THSD7B: variants seen among roughly 807,000 people sequenced by gnomAD.
THSD7B encodes the protein thrombospondin type-1 domain-containing protein 7B.
Under a neutral mutation model 213.6 loss-of-function variants are expected in THSD7B, and 138 were observed. The observed-to-expected ratio is 0.65, with a 90% CI of 0.56 to 0.74. The LOEUF (loss-of-function observed/expected upper bound fraction) is 0.74. Ranked by LOEUF, THSD7B falls within the 30% of genes least tolerant of loss-of-function variation. THSD7B has a pLI of 0.00. For synonymous variants in THSD7B, 742 were observed against 687.0 expected (o/e 1.08, Z -1.25); for missense variants, 1,931 against 1,991.5 (o/e 0.97, Z 0.58).
At chr2:136,852,433 A>G (rs1683114022) in intron 1 of THSD7B, among the ~76,000 whole-genome samples, 1 of 152,192 alleles carries the variant, frequency 6.6e-6, no homozygotes, top group African/African-American at 2.4e-5. Context: ...ATGGAAGTAG[A>G]TTATTCCACA....
intron 10 of THSD7B, among the ~76,000 whole-genome samples, chr2:137,255,595 C>T (rs1682288369): frequency 6.6e-6 from 1 of 152,152 alleles, no homozygotes; most frequent in African/African-American, 2.4e-5. Context: ...CTTTACTTCC[C>T]TTTAGCTATG....
rs115727920 is a variant in THSD7B at position 137,293,746 on chromosome 2, A to G, written c.2500+17720A>G. ...ATCTTACAGGTTTTACCCCAGATCT[A>G]TTCTCCTGTCTCCCTTCTTACTGCT... On this transcript the variant is annotated intron_variant, in intron 12 of 27. Coordinates refer to ENST00000409968, the MANE Select transcript of THSD7B (RefSeq NM_001316349.2). Among the ~76,000 whole-genome samples the G allele has an allele frequency of 1.6e-3, 242 of 152,206 alleles. 1 individual carries two copies. The highest frequency in any genetic ancestry group is 5.5e-3 in the African/African-American group (229 of 41,558).
intron 7 of THSD7B, among the ~76,000 whole-genome samples, chr2:137,197,091 A>G (rs535243375): frequency 5.9e-5 from 9 of 152,366 alleles, no homozygotes; most frequent in African/African-American, 2.2e-4. Context: ...ACATTGTACA[A>G]AATAACTTCA....
chr2:136,966,112 C>A (rs190960628), intron 2 of THSD7B, among the ~76,000 whole-genome samples: 50 of 152,340 alleles, frequency 3.3e-4, no homozygotes, highest in African/African-American at 1.2e-3. Context: ...CTCCTGGCAA[C>A]CTTCTTTCTC....
chr2:137,197,491 A>C (rs2105020686), intron 7 of THSD7B, among the ~76,000 whole-genome samples: 1 of 152,310 alleles, frequency 6.6e-6, no homozygotes, highest in African/African-American at 2.4e-5. Flanking sequence ...TCACCACCAA[A>C]AGATATGTCG....
chr2:137,092,353 G>A (rs1302171485), intron 3 of THSD7B, among the ~76,000 whole-genome samples: 1 of 152,036 alleles, frequency 6.6e-6, no homozygotes, highest in Non-Finnish European at 1.5e-5. Context: ...GGTTGAGGCT[G>A]CAATGAGCCC....
At chr2:137,570,303 A>AATTATT (rs766131565) in intron 16 of THSD7B, among the ~76,000 whole-genome samples, 4 of 150,090 alleles carry the variant, frequency 2.7e-5, no homozygotes, top group African/African-American at 4.9e-5. Context: ...TATTATTATT[A>AATTATT]ATTATTATTA....
At chr2:137,339,644 A>T (rs1684713984) in intron 12 of THSD7B, among the ~76,000 whole-genome samples, 1 of 151,684 alleles carries the variant, frequency 6.6e-6, no homozygotes, top group Non-Finnish European at 1.5e-5. Flanking sequence ...GTAAGTGGTC[A>T]TCATCATGTG....
At chr2:137,567,709 G>A (rs768576633) in intron 16 of THSD7B, among the ~76,000 whole-genome samples, 1 of 152,274 alleles carries the variant, frequency 6.6e-6, no homozygotes, top group South Asian at 2.1e-4. Flanking sequence ...CCTGAGCAAC[G>A]TTAGGAATAA....
chr2:137,348,454 T>C (rs1684929356), intron 12 of THSD7B, among the ~76,000 whole-genome samples: 1 of 151,702 alleles, frequency 6.6e-6, no homozygotes, highest in Non-Finnish European at 1.5e-5. Context: ...CCTTTTATCA[T>C]TTTAAACAGT....
At chr2:136,836,511 C>T (rs116395191) in intron 1 of THSD7B, among the ~76,000 whole-genome samples, 100 of 152,282 alleles carry the variant, frequency 6.6e-4, no homozygotes, top group African/African-American at 2.1e-3. Flanking sequence ...AGCCACCTTG[C>T]GACCTAACAT....
intron 17 of THSD7B, among the ~76,000 whole-genome samples, chr2:137,587,926 C>G (rs936676897): frequency 1.3e-5 from 2 of 152,186 alleles, no homozygotes; most frequent in Non-Finnish European, 2.9e-5. Flanking sequence ...TGTGCCCTGC[C>G]CCCAGAGGTG....
rs542031840 is a variant in THSD7B at position 136,894,225 on chromosome 2, A to G, written c.139+11908A>G. Among the ~76,000 whole-genome samples, 8 of 141,022 alleles carry G rather than the reference A, an allele frequency of 5.7e-5. No individual in the cohort carries two copies. In the South Asian group the frequency reaches 2.0e-3, roughly 35 times the overall value. 92.5% of individuals were successfully genotyped at this position (141,022 alleles called of 152,430 possible). ...CAGCTGCTCAAAGATTTCTATTGCT[A>G]AATATATGTGCTATGTTGCAAAAGA... is the stretch of plus-strand genomic sequence containing the variant. On this transcript the variant is annotated intron_variant, in intron 2 of 27. Transcript: ENST00000409968.
chr2:136,950,077 C>T (rs1424286177), intron 2 of THSD7B, among the ~76,000 whole-genome samples: 1 of 152,002 alleles, frequency 6.6e-6, no homozygotes, highest in Non-Finnish European at 1.5e-5. Flanking sequence ...TATGGTGAAA[C>T]CCTGTCTCTA....
intron 7 of THSD7B, among the ~76,000 whole-genome samples, chr2:137,196,691 G>A (rs958482402): frequency 6.6e-6 from 1 of 151,990 alleles, no homozygotes; most frequent in African/African-American, 2.4e-5. Flanking sequence ...TTTATTTCAT[G>A]TACAAAATTA....
intron 5 of THSD7B, among the ~76,000 whole-genome samples, chr2:137,141,015 C>G (rs1291240565): frequency 6.6e-6 from 1 of 152,092 alleles, no homozygotes; most frequent in Non-Finnish European, 1.5e-5. Context: ...AAGGAGTGTT[C>G]CAGGCAGAGG....
chr2:137,553,178 C>T (rs1222410655), intron 15 of THSD7B, among the ~76,000 whole-genome samples: 1 of 152,138 alleles, frequency 6.6e-6, no homozygotes, highest in African/African-American at 2.4e-5. Context: ...ATTGAGTAGA[C>T]ACAATGCCCA....
intron 21 of THSD7B, among the ~76,000 whole-genome samples, chr2:137,651,160 T>C (rs367691907): frequency 3.1e-4 from 47 of 152,274 alleles, no homozygotes; most frequent in African/African-American, 1.1e-3. Flanking sequence ...ATTAGTTCTA[T>C]GTTAAATGTT....
chr2:136,972,090 T>A (rs1685414889), intron 2 of THSD7B, among the ~76,000 whole-genome samples: 1 of 151,148 alleles, frequency 6.6e-6, no homozygotes, highest in South Asian at 2.1e-4. Flanking sequence ...ATGACAAGGT[T>A]TGGTTGCATA....
Sources: allele counts gnomAD v4.1 joint callset (sites outside exome capture counted in the v4.1 genomes callset), GRCh38; gene constraint gnomAD v4.1.1; transcripts MANE v1.5; gene names NCBI Gene and HGNC (gene_info 2026-07-23, HGNC 2026-07-21).